Variants in SLC4A4 observed in about 807,000 individuals in gnomAD.
SLC4A4 encodes the protein electrogenic sodium bicarbonate cotransporter 1.
In SLC4A4, 27 loss-of-function variants were observed where a neutral mutation model predicts 111.5. The observed-to-expected ratio is 0.24, with a 90% confidence interval of 0.18 to 0.33. The LOEUF is 0.33. SLC4A4 is among the 10% of genes least tolerant of loss of function. The pLI, the probability that SLC4A4 is intolerant of heterozygous loss-of-function variation, is 1.00. For synonymous variants in SLC4A4, 443 were observed against 463.4 expected, an observed-to-expected ratio of 0.96 and a Z score of 0.57; for missense variants, 909 against 1,315.5, an observed-to-expected ratio of 0.69 and a Z score of 4.78.
At chr4:71,215,383 A>G (rs1043284749) in intron 1 of SLC4A4, among the ~76,000 whole-genome samples, 3 of 152,210 alleles carry the variant, frequency 2.0e-5, no homozygotes, top group African/African-American at 7.2e-5. Context: ...ATTTCAAATA[A>G]TACTCTACTC....
At chr4:71,265,941 C>T (rs1441970806) in intron 3 of SLC4A4, among the ~76,000 whole-genome samples, 1 of 152,082 alleles carries the variant, frequency 6.6e-6, no homozygotes, top group Admixed American at 6.5e-5. Context: ...TAAACATACC[C>T]TAGTCTTCTA....
At chr4:71,482,060 AT>A (rs1315712728) in intron 14 of SLC4A4, among the ~76,000 whole-genome samples, 1 of 151,716 alleles carries the variant, frequency 6.6e-6, no homozygotes, top group African/African-American at 2.4e-5. Flanking sequence ...TAAATGGATC[AT>A]TCTGCAATTG....
At chr4:71,539,011 G>A (rs994513267) in intron 18 of SLC4A4, among the ~76,000 whole-genome samples, 1 of 152,048 alleles carries the variant, frequency 6.6e-6, no homozygotes, top group Admixed American at 6.6e-5. Context: ...TTGGGGGTAG[G>A]AGGGAGAAAT....
At chr4:71,210,100 G>GT (rs1718040412) in intron 1 of SLC4A4, among the ~76,000 whole-genome samples, 1 of 152,144 alleles carries the variant, frequency 6.6e-6, no homozygotes, top group Non-Finnish European at 1.5e-5. Flanking sequence ...GGTGCTTTTT[G>GT]TAACTACCAG....
chr4:71,258,139 T>C (rs1721591251), intron 3 of SLC4A4, among the ~76,000 whole-genome samples: 1 of 152,240 alleles, frequency 6.6e-6, no homozygotes, highest in South Asian at 2.1e-4. Context: ...AGTGTCTTTC[T>C]AGTCCTGTGA....
At chr4:71,304,396 GATGAATGC>G (rs1725523563) in intron 3 of SLC4A4, among the ~76,000 whole-genome samples, 3 of 152,124 alleles carry the variant, frequency 2.0e-5, no homozygotes, top group Non-Finnish European at 4.4e-5. Context: ...AGCAGGAGAA[GATGAATGC>G]CCCAGCTTAA....
At chr4:71,297,505 GACAAAC>G (rs1266472614) in intron 3 of SLC4A4, among the ~76,000 whole-genome samples, 106 of 96,164 alleles carry the variant, frequency 1.1e-3, no homozygotes, top group African/African-American at 4.0e-3. Flanking sequence ...CACACACACA[GACAAAC>G]ACACACACAC....
At chr4:71,499,824 C>T (rs4694397) in intron 16 of SLC4A4, among the ~76,000 whole-genome samples, 85,015 of 152,010 alleles carry the variant, frequency 0.56, 27,589 homozygotes, top group Non-Finnish European at 0.74. Flanking sequence ...CTTTATTCAT[C>T]TGTTGATGAA....
Position 71,166,995 on chromosome 4 carries a change from A to G in SLC4A4, c.-1-69581A>G, listed in dbSNP as rs56729144. 5.3e-3 allele frequency among the ~76,000 whole-genome samples: 807 copies of G among 152,280 alleles called. 9 individuals carry two copies. The highest frequency in any genetic ancestry group is 0.019 in the African/African-American group (772 of 41,562). ...TGATGAATTATTACAAAACTTAGTA[A>G]CTTACAACAATAAGCATTTTATTAT... is the stretch of plus-strand genomic sequence containing the variant. On this transcript the variant is annotated intron_variant, in intron 2 of 26. Transcript: ENST00000649996.
intron 1 of SLC4A4, among the ~76,000 whole-genome samples, chr4:71,229,949 G>C (rs920731678): frequency 1.3e-5 from 2 of 151,384 alleles, no homozygotes; most frequent in Non-Finnish European, 2.9e-5. Flanking sequence ...CACTGAGATC[G>C]CTCTTCCCTG....
At chr4:71,247,902 C>T (rs1317931647) in intron 2 of SLC4A4, among the ~76,000 whole-genome samples, 1 of 152,074 alleles carries the variant, frequency 6.6e-6, no homozygotes, top group Non-Finnish European at 1.5e-5. Context: ...TCTATTCTGT[C>T]TCGTTGGAGC....
At chr4:71,307,840 A>G (rs752075310) in intron 3 of SLC4A4, among the ~76,000 whole-genome samples, 1 of 152,130 alleles carries the variant, frequency 6.6e-6, no homozygotes, top group Non-Finnish European at 1.5e-5. Flanking sequence ...AAGTGTCAAG[A>G]TGCAAAGAGC....
At chr4:71,332,408 A>T (rs1578854951) in intron 3 of SLC4A4, among the ~76,000 whole-genome samples, 1 of 145,922 alleles carries the variant, frequency 6.9e-6, no homozygotes, top group African/African-American at 2.5e-5. Flanking sequence ...GGTGTGTTTC[A>T]TTCTTTTTTC....
intron 2 of SLC4A4, among the ~76,000 whole-genome samples, chr4:71,149,127 G>T (rs2148970954): frequency 6.6e-6 from 1 of 152,172 alleles, no homozygotes; most frequent in Admixed American, 6.5e-5. Flanking sequence ...AATAGCCTTA[G>T]GTCTTGAAAC....
chr4:71,363,574 C>T (rs758939500), intron 6 of SLC4A4, among the ~76,000 whole-genome samples: 2 of 152,146 alleles, frequency 1.3e-5, no homozygotes, highest in Non-Finnish European at 2.9e-5. Flanking sequence ...ATTTCCCTAA[C>T]CTGCTTCTGA....
intron 3 of SLC4A4, among the ~76,000 whole-genome samples, chr4:71,335,781 C>A (rs370820871): frequency 2.0e-5 from 3 of 151,504 alleles, no homozygotes; most frequent in Non-Finnish European, 4.4e-5. Flanking sequence ...GCTGAGTTAG[C>A]GCCACTGCAC....
intron 16 of SLC4A4, among the ~76,000 whole-genome samples, chr4:71,510,218 G>A (rs1165505329): frequency 6.6e-6 from 1 of 152,146 alleles, no homozygotes; most frequent in Non-Finnish European, 1.5e-5. Context: ...TTGATTCTGA[G>A]CCAATCCCAG....
chr4:71,488,875 G>A (rs570457138), intron 15 of SLC4A4, among the ~76,000 whole-genome samples: 1 of 137,564 alleles, frequency 7.3e-6, no homozygotes, highest in East Asian at 2.5e-4. Flanking sequence ...AGGGAAAGAA[G>A]TTAGAAGAAA....
At chr4:71,479,452 G>C (rs929976678) in intron 14 of SLC4A4, among the ~76,000 whole-genome samples, 5 of 151,636 alleles carry the variant, frequency 3.3e-5, no homozygotes, top group Admixed American at 1.3e-4. Context: ...ATATGTTATA[G>C]CCATTCAAAA....
Sources: gnomAD v4.1 joint callset for allele counts (sites outside exome capture counted in the v4.1 genomes callset) on GRCh38, gnomAD v4.1.1 for gene constraint, MANE v1.5 for transcripts, NCBI Gene and HGNC (gene_info 2026-07-23, HGNC 2026-07-21) for gene names.